Variants in SAMMSON observed in about 807,000 individuals in gnomAD.
SAMMSON encodes survival associated mitochondrial melanoma specific oncogenic non-coding RNA, also known as long intergenic non-protein coding RNA 1212.
At chr3:70,150,629 A>C (rs192806985) in intron 4 of SAMMSON, among the ~76,000 whole-genome samples, 1 of 152,176 alleles carries the variant, frequency 6.6e-6, no homozygotes, top group Admixed American at 6.5e-5. Flanking sequence ...TTCTAGAAAA[A>C]AAATAGCTAT....
At chr3:70,288,309 A>G (rs6769374) in intron 6 of SAMMSON, among the ~76,000 whole-genome samples, 87,774 of 87,842 alleles carry the variant, frequency 1, 43,854 homozygotes, top group Middle Eastern at 1. Flanking sequence ...CCTTCATTTC[A>G]TTATGTACCC....
At chr3:70,122,241 G>A (rs994470867) in intron 4 of SAMMSON, among the ~76,000 whole-genome samples, 4 of 152,034 alleles carry the variant, frequency 2.6e-5, no homozygotes, top group Admixed American at 6.6e-5. Context: ...CACCCAGGCC[G>A]GAGTGTAGTG....
At chr3:70,211,239 C>CT (rs991838897) in intron 4 of SAMMSON, among the ~76,000 whole-genome samples, 1 of 147,544 alleles carries the variant, frequency 6.8e-6, no homozygotes. Context: ...TCCCTTTTTC[C>CT]TTTTCCTTCC....
At chr3:70,048,151 C>T (rs1282851740) in intron 3 of SAMMSON, among the ~76,000 whole-genome samples, 3 of 152,010 alleles carry the variant, frequency 2.0e-5, no homozygotes, top group African/African-American at 4.8e-5. Context: ...TTACTAAATA[C>T]GTACTGTGCT....
chr3:70,191,471 A>G (rs1257398233), intron 4 of SAMMSON, among the ~76,000 whole-genome samples: 1 of 152,224 alleles, frequency 6.6e-6, no homozygotes, highest in Non-Finnish European at 1.5e-5. Context: ...CTTTTCTAAA[A>G]TGGAACACTA....
At chr3:70,426,180 C>T (rs545687055) in intron 2 of SAMMSON, among the ~76,000 whole-genome samples, 2 of 152,256 alleles carry the variant, frequency 1.3e-5, no homozygotes, top group East Asian at 3.9e-4. Flanking sequence ...ACTTGGCAAG[C>T]CTATTGTTCT....
intron 1 of SAMMSON, among the ~76,000 whole-genome samples, chr3:70,004,244 T>C (rs1328383688): frequency 1.3e-5 from 2 of 152,184 alleles, no homozygotes; most frequent in African/African-American, 2.4e-5. Context: ...CCACATAGAG[T>C]GGGCAGACAT....
intron 4 of SAMMSON, among the ~76,000 whole-genome samples, chr3:70,135,943 TG>T (rs2067504153): frequency 9.0e-5 from 1 of 11,130 alleles, no homozygotes; most frequent in Admixed American, 1.6e-3. Flanking sequence ...GTTCTCTAAG[TG>T]TTTTTTTTTT....
chr3:70,058,631 CTTGCTGATAA>C (rs1219549802), intron 3 of SAMMSON, among the ~76,000 whole-genome samples: 1 of 152,014 alleles, frequency 6.6e-6, no homozygotes, highest in Non-Finnish European at 1.5e-5. Context: ...TCTCATTTAA[CTTGCTGATAA>C]TTGCAGTTAT....
chr3:70,261,075 T>G (rs1701861071), intron 6 of SAMMSON, among the ~76,000 whole-genome samples: 1 of 152,180 alleles, frequency 6.6e-6, no homozygotes, highest in African/African-American at 2.4e-5. Flanking sequence ...ACTTCAACGT[T>G]TATTTAAAGT....
chr3:70,273,496 A>G (rs1386532286), intron 6 of SAMMSON, among the ~76,000 whole-genome samples: 1 of 152,208 alleles, frequency 6.6e-6, no homozygotes, highest in East Asian at 1.9e-4. Flanking sequence ...TCCCTAAAAC[A>G]GTAAACTCCA....
intron 3 of SAMMSON, among the ~76,000 whole-genome samples, chr3:70,061,694 A>T (rs1218714977): frequency 6.6e-6 from 1 of 152,078 alleles, no homozygotes; most frequent in African/African-American, 2.4e-5. Flanking sequence ...GGGTTAGGTT[A>T]TGACTGTATC....
intron 2 of SAMMSON, among the ~76,000 whole-genome samples, chr3:70,428,293 A>T (rs1701387419): frequency 6.6e-6 from 1 of 152,190 alleles, no homozygotes; most frequent in Non-Finnish European, 1.5e-5. Flanking sequence ...ATAGCCAAAA[A>T]AATTTTTTTG....
chr3:70,149,443 T>G (rs979177997), intron 4 of SAMMSON, among the ~76,000 whole-genome samples: 1 of 152,074 alleles, frequency 6.6e-6, no homozygotes, highest in Non-Finnish European at 1.5e-5. Flanking sequence ...ACCAGCAGCA[T>G]CAGCTTCAGC....
intron 3 of SAMMSON, among the ~76,000 whole-genome samples, chr3:70,050,373 A>G (rs1327463473): frequency 2.0e-5 from 3 of 152,098 alleles, no homozygotes; most frequent in Non-Finnish European, 4.4e-5. Flanking sequence ...TTGGCCAGCC[A>G]CTTCCAATGT....
In SAMMSON at chr3:70,433,021, A is replaced by G. The variant is rs559242187; in HGVS notation, n.234-29539A>G. Among the ~76,000 whole-genome samples, 54 of 152,154 alleles carry G rather than the reference A, an allele frequency of 3.5e-4. 2 individuals carry two copies. The South Asian group carries it at 0.011, about 30-fold the overall frequency. The stretch of plus-strand genomic sequence containing the variant: ...TTATTTCCTTTTATTACTGAATAAT[A>G]TACCATTATAGCTATATATTATACT... On this transcript the variant is annotated intron_variant and non_coding_transcript_variant, in intron 2 of 3. Coordinates refer to the SAMMSON transcript ENST00000641053.
chr3:70,328,540 G>A (rs1050435294), intron 7 of SAMMSON, among the ~76,000 whole-genome samples: 1 of 152,096 alleles, frequency 6.6e-6, no homozygotes, highest in Non-Finnish European at 1.5e-5. Flanking sequence ...ACAAAAATGA[G>A]TTGGATAAGA....
rs567085937 is a variant in SAMMSON at position 70,307,195 on chromosome 3, T to G, written n.739+15952T>G. Among the ~76,000 whole-genome samples the G allele has an allele frequency of 1.6e-3, 243 of 152,148 alleles. 1 individual carries two copies. Among genetic ancestry groups the G allele is most frequent in the African/African-American group, 5.3e-3 (218 of 41,516 alleles). On this transcript the variant is annotated intron_variant and non_coding_transcript_variant, in intron 7 of 9. Coordinates refer to ENST00000642114, the Ensembl canonical transcript of SAMMSON. ...GTCCTTGGTATTTTATTGTTGTTGT[T>G]TTGGTGGTGGTGTTGTTATTGTTGT...
At chr3:70,111,018 T>C (rs1189022003) in intron 4 of SAMMSON, among the ~76,000 whole-genome samples, 1 of 152,192 alleles carries the variant, frequency 6.6e-6, no homozygotes. Flanking sequence ...ATTAGGTCAA[T>C]TATTAGCCAA....
Sources: gnomAD v4.1 joint callset for allele counts (sites outside exome capture counted in the v4.1 genomes callset) on GRCh38, gnomAD v4.1.1 for gene constraint, MANE v1.5 for transcripts, NCBI Gene and HGNC (gene_info 2026-07-23, HGNC 2026-07-21) for gene names.